Variants in CPLANE1 observed in about 807,000 individuals in gnomAD.
CPLANE1 encodes the protein ciliogenesis and planar polarity effector 1.
CPLANE1 carries 263 observed loss-of-function variants against 362.5 expected under a neutral mutation model. The observed-to-expected ratio is 0.73, with a 90% CI of 0.66 to 0.80. The LOEUF (loss-of-function observed/expected upper bound fraction) is 0.80, where lower values mean the gene tolerates loss of function less well. Among genes scored for constraint, CPLANE1 ranks in the 30% least tolerant of loss-of-function variants. CPLANE1 has a pLI of 0.00. For synonymous variants in CPLANE1, 1,212 were observed against 1,302.6 expected (o/e 0.93, Z 1.50); for missense variants, 3,461 against 3,793.4 (o/e 0.91, Z 2.30).
At chr5:37,120,157 T>A in intron 50 of CPLANE1, 59 bp downstream of exon 50, 1 of 1,538,188 alleles carries the variant, frequency 6.5e-7, no homozygotes. Flanking sequence ...AACACAACTT[T>A]GGAGACAAGA....
intron 37 of CPLANE1, 174 bp from the exon 38 acceptor site, chr5:37,162,740 T>TAAATATA: frequency 4.6e-6 from 2 of 436,520 alleles, no homozygotes; most frequent in Non-Finnish European, 8.2e-6. Context: ...AGTGCAGTGG[T>TAAATATA]GCAATCTCGG....
At chr5:37,194,015 A>G (rs966002508) in intron 21 of CPLANE1, among the ~76,000 whole-genome samples, 9 of 150,096 alleles carry the variant, frequency 6.0e-5, no homozygotes, top group African/African-American at 2.2e-4. Context: ...TCCATCTCCC[A>G]GGTTCAAGTG....
Position 37,107,563 on chromosome 5 carries a change from G to A in CPLANE1, c.*39C>T, listed in dbSNP as rs375358885. ...AATCTTTCAGAACCACATTACTGAG[G>A]TGCTGGCCTGTGCATGGAAACCCAA... is the stretch of plus-strand genomic sequence containing the variant. On this transcript the variant is annotated 3_prime_UTR_variant, in exon 53 of 53. Transcript: ENST00000651892. 2.9e-5 allele frequency: 45 copies of A among 1,556,872 alleles called. No individual in the cohort carries two copies. The highest frequency in any genetic ancestry group is 5.4e-5 in the African/African-American group (4 of 73,476).
At chr5:37,205,995 C>A (rs1790621348) in intron 17 of CPLANE1, among the ~76,000 whole-genome samples, 1 of 152,040 alleles carries the variant, frequency 6.6e-6, no homozygotes, top group Admixed American at 6.6e-5. Context: ...AATTTAATTC[C>A]TTGGTCTCAC....
Position 37,107,165 on chromosome 5 carries a change from TA to T in CPLANE1, c.*436del. On this transcript the variant is annotated 3_prime_UTR_variant, in exon 53 of 53. Transcript: ENST00000651892. ...CATAGGTGTTTTAAAATAGGGTTCA[TA>T]ATTGAGTTCTCAGGTGAGACTGATT... 3.0e-6 allele frequency: 3 copies of T among 985,856 alleles called. No individual in the cohort carries two copies. In the South Asian group the frequency reaches 1.4e-4, roughly 46 times the overall value. The allele number at this position is 985,856 out of a possible 1,614,324, so 61.1% of individuals were successfully genotyped here. A position where few individuals can be genotyped will look rare whatever the true frequency, so the allele number is the denominator to read the frequency against.
intron 6 of CPLANE1, among the ~76,000 whole-genome samples, chr5:37,242,160 C>T (rs1350081402): frequency 6.6e-6 from 1 of 151,752 alleles, no homozygotes; most frequent in Non-Finnish European, 1.5e-5. Flanking sequence ...TCAAGACCAC[C>T]TGACTAACAT....
At chr5:37,203,083 C>T (rs1203317661) in intron 18 of CPLANE1, among the ~76,000 whole-genome samples, 1 of 152,118 alleles carries the variant, frequency 6.6e-6, no homozygotes, top group South Asian at 2.1e-4. Context: ...ACATAATTTA[C>T]ATACTATATC....
intron 41 of CPLANE1, among the ~76,000 whole-genome samples, chr5:37,154,942 C>T (rs1276517420): frequency 6.6e-6 from 1 of 152,190 alleles, no homozygotes; most frequent in Non-Finnish European, 1.5e-5. Context: ...CACCACCGTT[C>T]AGTTTCACAA....
At position 37,226,558 on chromosome 5, in the gene CPLANE1, C is replaced by A. The variant is rs781366484; in HGVS notation, c.2037G>T (p.Gln679His). 1.0e-4 allele frequency: 155 copies of A among 1,549,778 alleles called. No homozygotes were observed. The highest frequency in any genetic ancestry group is 1.3e-4 in the Non-Finnish European group (151 of 1,146,518). The change falls in exon 12 of 53, where the codon CAG becomes CAT. Residue 679 changes from glutamine (Q) to histidine (H), a missense_variant. Transcript: ENST00000651892. ...AAGCTAAAAGTTTCTCTGAGAATAA[C>A]TGACCCTTTTGTTGCTGAGTCAGCA... ...KLLLTQQQKG[Q>H]LFSEKLLACF... is the part of the protein sequence containing the mutation.
chr5:37,100,833 GT>G, the CPLANE1 span, among the ~76,000 whole-genome samples: 9 of 151,714 alleles, frequency 5.9e-5, no homozygotes, highest in African/African-American at 2.2e-4. Context: ...CATTTCCCTT[GT>G]TAGCTGTGTT....
chr5:37,108,312 C>G lies in CPLANE1; in HGVS notation c.9560G>C (p.Ser3187Thr). ...PSEIHKILHESHNSLLQDLSP... is the reference protein window; with the variant it reads ...PSEIHKILHETHNSLLQDLSP... ...GCTTACTTGTAGAAGGGAATTGTGA[C>G]TCTCATGAAGAATCTTATGGATTTC... The change falls in exon 52 of 53, where the codon AGT becomes ACT. Residue 3187 changes from serine (S) to threonine (T), a missense_variant. By Grantham distance (58) the Ser-to-Thr change is moderately conservative. Coordinates refer to ENST00000651892, the MANE Select transcript of CPLANE1 (RefSeq NM_001384732.1). 1.2e-6 allele frequency: 2 copies of G among 1,614,034 alleles called. No individual in the cohort carries two copies. The highest frequency in any genetic ancestry group is 1.7e-6 in the Non-Finnish European group (2 of 1,179,942).
intron 15 of CPLANE1, among the ~76,000 whole-genome samples, chr5:37,215,020 A>T (rs1365399405): frequency 6.6e-6 from 1 of 152,176 alleles, no homozygotes; most frequent in Non-Finnish European, 1.5e-5. Context: ...TAAATACAGT[A>T]CAATACTGGA....
chr5:37,109,730 C>A (rs541663640), intron 51 of CPLANE1, among the ~76,000 whole-genome samples: 1 of 152,184 alleles, frequency 6.6e-6, no homozygotes, highest in Non-Finnish European at 1.5e-5. Context: ...AATTTCGGTT[C>A]GCTGCAACCT....
chr5:37,135,536 T>G (rs965699938), intron 46 of CPLANE1, among the ~76,000 whole-genome samples: 1 of 151,932 alleles, frequency 6.6e-6, no homozygotes, highest in Non-Finnish European at 1.5e-5. Context: ...GGAAGTCCCT[T>G]ATAAAACCAT....
intron 51 of CPLANE1, among the ~76,000 whole-genome samples, 180 bp from the exon 52 acceptor site, chr5:37,108,651 G>A (rs1758244795): frequency 6.6e-6 from 1 of 152,158 alleles, no homozygotes; most frequent in African/African-American, 2.4e-5. Context: ...GTCACTGTAC[G>A]AGATGGAAAC....
rs61112118 is a variant in CPLANE1 at position 37,187,060 on chromosome 5, C to CAAAA, written c.4080+350_4080+353dup. ...TGGGTGACAGAGCGAGACTCCGTCT[C>CAAAA]AAAAAAAAAAAAAAAAAAAAAAAAA... On this transcript the variant is annotated intron_variant, in intron 23 of 52. Transcript: ENST00000651892. Among the ~76,000 whole-genome samples the CAAAA allele has an allele frequency of 9.7e-4, 49 of 50,400 alleles. 8 individuals are homozygous for CAAAA. The highest frequency in any genetic ancestry group is 4.3e-3 in the African/African-American group (47 of 11,002). The allele number at this position is 50,400 out of a possible 152,430, so 33.1% of individuals were successfully genotyped here.
chr5:37,131,599 T>C (rs1184221142), intron 46 of CPLANE1, among the ~76,000 whole-genome samples: 3 of 151,894 alleles, frequency 2.0e-5, no homozygotes, highest in African/African-American at 7.3e-5. Context: ...GGCATGGTCT[T>C]GGCTCACTGC....
chr5:37,181,693 T>C (rs915361836), intron 26 of CPLANE1, among the ~76,000 whole-genome samples: 8 of 152,086 alleles, frequency 5.3e-5, no homozygotes, highest in African/African-American at 1.9e-4. Context: ...CATGAGCCTG[T>C]GGTCCCAGCT....
At position 37,170,281 on chromosome 5, in the gene CPLANE1, A is replaced by T. The variant is rs1249354445; in HGVS notation, c.6222T>A (p.Phe2074Leu). Residue 2074 changes from phenylalanine to leucine, a missense_variant, in exon 33 of 53, where the codon TTT becomes TTA. Transcript: ENST00000651892. ...GTTGTTGTGTATCTGGGAGATTAGC[A>T]AAGGATGATCCTACTATTTGCATTA... is the stretch of plus-strand genomic sequence containing the variant. ...MSLMQIVGSS[F>L]ANLPDTQQLV... The T allele has an allele frequency of 6.2e-7, 1 of 1,614,242 alleles. No homozygotes were observed. Among genetic ancestry groups the T allele is most frequent in the Non-Finnish European group, 8.5e-7 (1 of 1,180,044 alleles).
Sources: allele counts gnomAD v4.1 joint callset (sites outside exome capture counted in the v4.1 genomes callset), GRCh38; gene constraint gnomAD v4.1.1; transcripts MANE v1.5; gene names NCBI Gene and HGNC (gene_info 2026-07-23, HGNC 2026-07-21).